Variants in CRACDL observed in about 807,000 individuals in gnomAD.
The protein encoded by CRACDL is CRACD-like protein.
In CRACDL, 26 loss-of-function variants were observed where a neutral mutation model predicts 70.6. That is an observed-to-expected ratio of 0.37 (90% confidence interval 0.27 to 0.51). The LOEUF (loss-of-function observed/expected upper bound fraction) is 0.51, where lower values mean the gene tolerates loss of function less well. Among genes scored for constraint, CRACDL ranks in the 20% least tolerant of loss-of-function variants. CRACDL has a pLI of 0.94. For synonymous variants in CRACDL, 618 were observed against 615.2 expected, an observed-to-expected ratio of 1.00 and a Z score of -0.07; for missense variants, 1,283 against 1,376.9, an observed-to-expected ratio of 0.93 and a Z score of 1.08.
intron 1 of CRACDL, among the ~76,000 whole-genome samples, chr2:98,930,955 T>G (rs1319547218): frequency 6.6e-6 from 1 of 152,144 alleles, no homozygotes; most frequent in Non-Finnish European, 1.5e-5. Context: ...TGTGTGTGTG[T>G]GTGTGTGTGT....
chr2:98,887,522 G>A lies in CRACDL; in HGVS notation c.-10-40712C>T, dbSNP rs141134355. ...CAGAGCCTCAAAGACCTTGGGGTAG[G>A]ATACCACTGAGCATACAACGTGTAC... is the stretch of plus-strand genomic sequence containing the variant. On this transcript the variant is annotated intron_variant, in intron 1 of 9. Coordinates refer to ENST00000397899, the MANE Select transcript of CRACDL (RefSeq NM_207362.3). 2.8e-3 allele frequency among the ~76,000 whole-genome samples: 421 copies of A among 152,152 alleles called. 4 individuals are homozygous for A. The highest frequency in any genetic ancestry group is 9.7e-3 in the African/African-American group (401 of 41,520).
At chr2:98,934,195 CTTTT>C (rs34592936) in intron 1 of CRACDL, among the ~76,000 whole-genome samples, 3 of 80,066 alleles carry the variant, frequency 3.7e-5, no homozygotes, top group Admixed American at 1.4e-4. Flanking sequence ...AAGATTCATC[CTTTT>C]TTTTTTTTTT....
At chr2:98,807,492 G>A (rs1397680494) in intron 7 of CRACDL, among the ~76,000 whole-genome samples, 1 of 152,144 alleles carries the variant, frequency 6.6e-6, no homozygotes, top group Non-Finnish European at 1.5e-5. Flanking sequence ...TATGTCTCCA[G>A]GCACTGCCAA....
chr2:98,886,404 G>C (rs1037490434), intron 1 of CRACDL, among the ~76,000 whole-genome samples: 1 of 152,226 alleles, frequency 6.6e-6, no homozygotes, highest in African/African-American at 2.4e-5. Flanking sequence ...TGTCTAAAAA[G>C]CTTGCAAGGA....
chr2:98,893,403 C>T (rs574597637), intron 1 of CRACDL, among the ~76,000 whole-genome samples: 1 of 152,298 alleles, frequency 6.6e-6, no homozygotes, highest in South Asian at 2.1e-4. Context: ...CCTGCCTCAG[C>T]CTCCCAAGTA....
chr2:98,858,051 G>A (rs751848886), intron 1 of CRACDL, among the ~76,000 whole-genome samples: 15 of 152,186 alleles, frequency 9.9e-5, no homozygotes, highest in South Asian at 6.2e-4. Flanking sequence ...GAAATTATGC[G>A]ATGAACTCCT....
Position 98,822,890 on chromosome 2 carries a change from C to G in CRACDL, c.1383G>C (p.Glu461Asp), listed in dbSNP as rs374786559. The change falls in exon 7 of 10, where the codon GAG (glutamate) becomes GAC (aspartate). Residue 461 changes from glutamate to aspartate, a missense_variant. By Grantham distance (45) the Glu-to-Asp change is conservative. Transcript: ENST00000397899. This position sits in a 1 kb window ranked among gnomAD's most constrained non-coding sequence, Gnocchi z 4.9. ...TCTCGGGCTCCGTCTCCGCTTCTCT[C>G]TCGGGCTCAGGCGCCGGCCCTGGGG... is the stretch of plus-strand genomic sequence containing the variant. ...KGPPGPAPEP[E>D]REAETEPERG... 1.4e-6 allele frequency: 2 copies of G among 1,474,582 alleles called. No homozygotes were observed. The highest frequency in any genetic ancestry group is 1.8e-6 in the Non-Finnish European group (2 of 1,123,962). The allele number at this position is 1,474,582 out of a possible 1,614,324, so 91.3% of individuals were successfully genotyped here. A position where few individuals can be genotyped will look rare whatever the true frequency, so the allele number is the denominator to read the frequency against.
chr2:98,852,696 TA>T (rs1260980382), intron 1 of CRACDL, among the ~76,000 whole-genome samples: 1 of 152,000 alleles, frequency 6.6e-6, no homozygotes, highest in Non-Finnish European at 1.5e-5. Context: ...AAATATTTAT[TA>T]AATGGGCTTA....
At chr2:98,799,326 G>C (rs1703973030) in intron 7 of CRACDL, among the ~76,000 whole-genome samples, 1 of 152,112 alleles carries the variant, frequency 6.6e-6, no homozygotes, top group Admixed American at 6.5e-5. Flanking sequence ...TTAGTGCCCT[G>C]GTCAACAAGG....
chr2:98,897,413 G>C (rs776419561), intron 1 of CRACDL: 217 of 1,303,340 alleles, frequency 1.7e-4, no homozygotes, highest in Non-Finnish European at 2.1e-4. Flanking sequence ...AATCATCTCA[G>C]TCACAGGTGT....
chr2:98,798,441 C>G (rs6753879), intron 7 of CRACDL, among the ~76,000 whole-genome samples: 34,949 of 75,428 alleles, frequency 0.46, 5,484 homozygotes, highest in Middle Eastern at 0.57. Context: ...GAGACTCCGT[C>G]TCAAAAAAAA....
At chr2:98,884,485 C>T (rs1428289533) in intron 1 of CRACDL, among the ~76,000 whole-genome samples, 1 of 152,192 alleles carries the variant, frequency 6.6e-6, no homozygotes, top group African/African-American at 2.4e-5. Context: ...GACATCCCTG[C>T]CCATCACTGC....
rs1207267485 is a variant in CRACDL, at chr2:98,911,702, G to A, written c.-11+24236C>T. ...TGATTTTGTGAACCCGAATGCTGGT[G>A]ACCAAGGACAGGTCAGGGCAGAAAC... On this transcript the variant is annotated intron_variant, in intron 1 of 9. Transcript: ENST00000397899. Among the ~76,000 whole-genome samples, 5 of 152,148 alleles carry A rather than the reference G, an allele frequency of 3.3e-5. No homozygotes were observed. In the South Asian group the frequency reaches 1.0e-3, roughly 32 times the overall value.
chr2:98,849,661 C>T (rs971969267), intron 1 of CRACDL, among the ~76,000 whole-genome samples: 2 of 151,934 alleles, frequency 1.3e-5, no homozygotes, highest in African/African-American at 4.8e-5. Flanking sequence ...ACAGCACCCC[C>T]AGACCACCAA....
chr2:98,900,427 A>C (rs1417616981), intron 1 of CRACDL, among the ~76,000 whole-genome samples: 1 of 151,892 alleles, frequency 6.6e-6, no homozygotes, highest in East Asian at 1.9e-4. Flanking sequence ...ATGGAGGCTC[A>C]GTGGGAGGAG....
chr2:98,921,146 A>G (rs550358714), intron 1 of CRACDL, among the ~76,000 whole-genome samples: 225 of 152,292 alleles, frequency 1.5e-3, no homozygotes, highest in Middle Eastern at 3.4e-3. Flanking sequence ...CCGTCTTGGA[A>G]ATCAAGTCTG....
At chr2:98,906,492 C>T (rs1415401258) in intron 1 of CRACDL, among the ~76,000 whole-genome samples, 1 of 152,162 alleles carries the variant, frequency 6.6e-6, no homozygotes. Context: ...AAACTCCTGA[C>T]CTCAGGTGAT....
chr2:98,856,666 A>G (rs1314558435), intron 1 of CRACDL, among the ~76,000 whole-genome samples: 4 of 152,242 alleles, frequency 2.6e-5, no homozygotes, highest in Non-Finnish European at 4.4e-5. Flanking sequence ...ATGTATAGCA[A>G]TGTAGTATAT....
At chr2:98,846,563 C>T (rs1291218759) in intron 2 of CRACDL, among the ~76,000 whole-genome samples, 168 bp downstream of exon 2, 1 of 152,170 alleles carries the variant, frequency 6.6e-6, no homozygotes, top group African/African-American at 2.4e-5. Flanking sequence ...AAATAATGTG[C>T]ATGTGCCCCC....
Sources: gnomAD v4.1 joint callset for allele counts (sites outside exome capture counted in the v4.1 genomes callset) on GRCh38, gnomAD v4.1.1 for gene constraint, Gnocchi (gnomAD v3.1) non-coding constraint, MANE v1.5 for transcripts, NCBI Gene and HGNC (gene_info 2026-07-23, HGNC 2026-07-21) for gene names.